Variants in PTPRN2 observed in about 807,000 individuals in gnomAD.
PTPRN2 encodes the protein protein tyrosine phosphatase receptor type N2.
Under a neutral mutation model 118.8 loss-of-function variants are expected in PTPRN2, and 74 were observed. The observed-to-expected ratio is 0.62, with a 90% CI of 0.52 to 0.76. The LOEUF is 0.76. Ranked by LOEUF, PTPRN2 falls within the 30% of genes least tolerant of loss-of-function variation. The pLI is 0.00. For missense variants in PTPRN2, 1,481 were observed against 1,394.4 expected, an observed-to-expected ratio of 1.06 and a Z score of -0.99; for synonymous variants, 641 against 608.0, an observed-to-expected ratio of 1.05 and a Z score of -0.80.
chr7:158,103,337 G>A (rs1473741404), intron 10 of PTPRN2, among the ~76,000 whole-genome samples: 3 of 152,220 alleles, frequency 2.0e-5, no homozygotes, highest in South Asian at 2.1e-4. Flanking sequence ...TTGATGGCAG[G>A]TGGCTCCTTC....
chr7:157,999,931 G>A (rs1196647408), intron 11 of PTPRN2, among the ~76,000 whole-genome samples: 1 of 151,534 alleles, frequency 6.6e-6, no homozygotes, highest in African/African-American at 2.4e-5. Flanking sequence ...GTGTCACCCA[G>A]GCTGGAGTGC....
At position 157,910,565 on chromosome 7, in the gene PTPRN2, C is replaced by T. The variant is rs1248383983; in HGVS notation, c.1724-11828G>A. On this transcript the variant is annotated intron_variant, in intron 11 of 22. Transcript: ENST00000389418. ...GTAGGAACGGGCGCAGAATCACACA[C>T]GTACACCGTTCTGCACAGCTGGCGG... Among the ~76,000 whole-genome samples, 6 of 152,266 alleles carry T rather than the reference C, an allele frequency of 3.9e-5. No homozygotes were observed. The East Asian group carries it at 7.7e-4, about 20-fold the overall frequency.
chr7:157,561,486 C>T (rs909167686), intron 21 of PTPRN2, among the ~76,000 whole-genome samples: 5 of 152,372 alleles, frequency 3.3e-5, no homozygotes, highest in African/African-American at 7.2e-5. Context: ...TGCCTCTGAG[C>T]GCCGTCCCTG....
chr7:158,108,415 C>G (rs1184779925), intron 10 of PTPRN2, among the ~76,000 whole-genome samples: 1 of 152,192 alleles, frequency 6.6e-6, no homozygotes, highest in South Asian at 2.1e-4. Flanking sequence ...ACTCTACATA[C>G]TGGGTCCCTA....
intron 11 of PTPRN2, among the ~76,000 whole-genome samples, chr7:158,056,140 C>A (rs924878422): frequency 6.6e-6 from 1 of 152,246 alleles, no homozygotes; most frequent in Non-Finnish European, 1.5e-5. Context: ...CCTGGAAGCT[C>A]CTCCTGCCTT....
At chr7:158,291,342 A>G (rs1330318564) in intron 3 of PTPRN2, among the ~76,000 whole-genome samples, 1 of 152,236 alleles carries the variant, frequency 6.6e-6, no homozygotes, top group Non-Finnish European at 1.5e-5. Flanking sequence ...ACAAAGTCAT[A>G]TGATACAGAA....
In PTPRN2 at chr7:157,788,680, C is replaced by T. The variant is rs188567405; in HGVS notation, c.1789-105743G>A. On this transcript the variant is annotated intron_variant, in intron 12 of 22. Coordinates refer to ENST00000389418, the MANE Select transcript of PTPRN2 (RefSeq NM_002847.5). ...CTGGGCTATGCGGGGAAGATGTGTG[C>T]TCTGAAGGCCTCTGGGGCCACCCAA... 1.5e-3 allele frequency among the ~76,000 whole-genome samples: 231 copies of T among 152,344 alleles called. 3 individuals carry two copies. The highest frequency in any genetic ancestry group is 5.4e-3 in the African/African-American group (226 of 41,588).
At chr7:157,747,425 T>G (rs1585365312) in intron 12 of PTPRN2, among the ~76,000 whole-genome samples, 1 of 123,686 alleles carries the variant, frequency 8.1e-6, no homozygotes, top group African/African-American at 3.3e-5. Flanking sequence ...CCCTGAGCTT[T>G]GGGCTGTCCG....
At position 157,858,081 on chromosome 7, in the gene PTPRN2, C is replaced by CCCA. The variant is rs777572451; in HGVS notation, c.1788+40591_1788+40592insTGG. Among the ~76,000 whole-genome samples the CCCA allele has an allele frequency of 2.0e-3, 237 of 116,800 alleles. 3 individuals carry two copies. The highest frequency in any genetic ancestry group is 3.5e-3 in the African/African-American group (100 of 28,862). The allele number at this position is 116,800 out of a possible 152,430, so 76.6% of individuals were successfully genotyped here. ...ACCCACACTCCTGCAGGGAGAACCC[C>CCCA]GTCACCACCCACACTCCTGCAGGGA... On this transcript the variant is annotated intron_variant, in intron 12 of 22. Coordinates refer to ENST00000389418, the MANE Select transcript of PTPRN2 (RefSeq NM_002847.5).
In PTPRN2 at chr7:157,976,467, C is replaced by A. The variant is rs184419699; in HGVS notation, c.1724-77730G>T. Among the ~76,000 whole-genome samples, 319 of 148,824 alleles carry A rather than the reference C, an allele frequency of 2.1e-3. 11 individuals carry two copies. The Middle Eastern group carries it at 0.042, about 19-fold the overall frequency. ...TTAAAATCCAGATGCAAGCCCCCCC[C>A]ACCAATTACCCCTTCATTCTACAGA... is the stretch of plus-strand genomic sequence containing the variant. On this transcript the variant is annotated intron_variant, in intron 11 of 22. Transcript: ENST00000389418.
intron 1 of PTPRN2, among the ~76,000 whole-genome samples, chr7:158,520,833 T>C (rs1370998006): frequency 3.3e-5 from 5 of 152,218 alleles, no homozygotes; most frequent in African/African-American, 1.2e-4. Flanking sequence ...TTTCCATGTC[T>C]GAGCACCAGA....
chr7:157,620,758 G>C (rs1256550505), intron 15 of PTPRN2, among the ~76,000 whole-genome samples: 1 of 152,194 alleles, frequency 6.6e-6, no homozygotes. Flanking sequence ...GCAGAGGGGA[G>C]ATTCCCAGGA....
rs59296670 is a variant in PTPRN2 at position 158,089,962 on chromosome 7, A to G, written c.1644-8585T>C. 6.2e-4 allele frequency among the ~76,000 whole-genome samples: 25 copies of G among 40,316 alleles called. 4 individuals carry two copies. Among genetic ancestry groups the G allele is most frequent in the African/African-American group, 1.2e-3 (25 of 21,444 alleles). 26.4% of individuals were successfully genotyped at this position (40,316 alleles called of 152,430 possible). A position where few individuals can be genotyped will look rare whatever the true frequency, so the allele number is the denominator to read the frequency against. On this transcript the variant is annotated intron_variant, in intron 10 of 22. Transcript: ENST00000389418. ...CACACAAACCCTTCCTCCCCTGACG[A>G]AAGAGGGAGTCTTCACACAAACCCT...
chr7:158,024,435 C>A (rs1247511256), intron 11 of PTPRN2, among the ~76,000 whole-genome samples: 5 of 152,234 alleles, frequency 3.3e-5, no homozygotes, highest in Non-Finnish European at 5.9e-5. Context: ...GAAACACACA[C>A]ATTTAGATTT....
At chr7:158,337,171 G>A in intron 2 of PTPRN2, among the ~76,000 whole-genome samples, 1 of 152,162 alleles carries the variant, frequency 6.6e-6, no homozygotes, top group East Asian at 1.9e-4. Flanking sequence ...GACACCTGCA[G>A]ACGTCACTCA....
intron 1 of PTPRN2, among the ~76,000 whole-genome samples, chr7:158,498,865 A>T (rs1049090424): frequency 3.3e-5 from 5 of 152,228 alleles, no homozygotes; most frequent in African/African-American, 1.2e-4. Flanking sequence ...AACAGTACCA[A>T]AAGTGAGAAT....
intron 11 of PTPRN2, among the ~76,000 whole-genome samples, chr7:157,957,361 A>G (rs1249490099): frequency 6.6e-6 from 1 of 152,122 alleles, no homozygotes; most frequent in Non-Finnish European, 1.5e-5. Flanking sequence ...GAATTCCATA[A>G]ATTAAGGAGG....
At chr7:157,595,776 G>T (rs1490288575) in intron 16 of PTPRN2, among the ~76,000 whole-genome samples, 1 of 152,214 alleles carries the variant, frequency 6.6e-6, no homozygotes, top group Admixed American at 6.5e-5. Context: ...CTTGCCCTTT[G>T]TTGATTCAAA....
intron 11 of PTPRN2, among the ~76,000 whole-genome samples, chr7:157,924,525 C>G (rs1798863488): frequency 6.6e-6 from 1 of 152,246 alleles, no homozygotes; most frequent in Admixed American, 6.5e-5. Flanking sequence ...AGGTGCCACC[C>G]AGAGTCAGAG....
Sources: allele counts gnomAD v4.1 joint callset (sites outside exome capture counted in the v4.1 genomes callset), GRCh38; gene constraint gnomAD v4.1.1; transcripts MANE v1.5; gene names NCBI Gene and HGNC (gene_info 2026-07-23, HGNC 2026-07-21).